Variants in TTC28 observed in about 807,000 individuals in gnomAD.
TTC28 encodes tetratricopeptide repeat domain 28, also known as tetratricopeptide repeat protein 28.
TTC28 carries 61 observed loss-of-function variants against 198.0 expected under a neutral mutation model. The observed-to-expected ratio is 0.31, with a 90% CI of 0.25 to 0.38. The LOEUF is 0.38. Ranked by LOEUF, TTC28 falls within the 10% of genes least tolerant of loss-of-function variation. The probability of loss-of-function intolerance (pLI) is 1.00; values close to 1 mark genes in which losing one functional copy is unlikely to be tolerated. For missense variants in TTC28, 2,678 were observed against 3,164.0 expected, an observed-to-expected ratio of 0.85 and a Z score of 3.69; for synonymous variants, 1,171 against 1,297.8, an observed-to-expected ratio of 0.90 and a Z score of 2.10.
intron 2 of TTC28, among the ~76,000 whole-genome samples, chr22:28,307,330 C>T (rs2145811597): frequency 6.6e-6 from 1 of 152,068 alleles, no homozygotes; most frequent in Non-Finnish European, 1.5e-5. Context: ...CAGAAAAGAC[C>T]AGAGAATTAG....
At chr22:28,552,792 CG>C (rs1169582713) in intron 2 of TTC28, among the ~76,000 whole-genome samples, 1 of 147,802 alleles carries the variant, frequency 6.8e-6, no homozygotes, top group East Asian at 2.0e-4. Flanking sequence ...CCTCTCCCCA[CG>C]GTCTCCCTCT....
At chr22:28,044,092 G>A (rs540233706) in intron 12 of TTC28, among the ~76,000 whole-genome samples, 1 of 152,276 alleles carries the variant, frequency 6.6e-6, no homozygotes, top group South Asian at 2.1e-4. Flanking sequence ...ACACTGCCAG[G>A]AGCTAAGAAC....
chr22:28,602,735 G>T (rs976305957), intron 2 of TTC28, among the ~76,000 whole-genome samples: 10 of 152,076 alleles, frequency 6.6e-5, no homozygotes, highest in African/African-American at 2.2e-4. Context: ...ATGAAGTATA[G>T]TATATTTTAA....
intron 2 of TTC28, among the ~76,000 whole-genome samples, chr22:28,599,068 T>C (rs1382431199): frequency 2.0e-5 from 3 of 152,216 alleles, no homozygotes; most frequent in African/African-American, 7.2e-5. Flanking sequence ...TATAAAACTC[T>C]GGGATTTACA....
Position 28,107,355 on chromosome 22 carries a change from C to G in TTC28, c.2490G>C (p.Pro830=), listed in dbSNP as rs746369369. Residue 830 remains proline (P), a synonymous_variant, in exon 7 of 23, where the codon CCG becomes CCC. Transcript: ENST00000397906. ...TGCCATAGACCTGGGCTTCCAGACT[C>G]GGATCCTTCAGCTTTTGCCCTAGAT... ...QLDLGQKLKD[P]SLEAQVYGNM... is the part of the protein sequence containing the mutation. 6.4e-7 allele frequency: 1 copy of G among 1,551,848 alleles called. No individual in the cohort carries two copies. Among genetic ancestry groups the G allele is most frequent in the African/African-American group, 1.4e-5 (1 of 73,052 alleles).
intron 2 of TTC28, among the ~76,000 whole-genome samples, chr22:28,464,480 C>G (rs2047992214): frequency 6.6e-6 from 1 of 152,096 alleles, no homozygotes; most frequent in Admixed American, 6.5e-5. Context: ...CTTCATTTTC[C>G]TGATTACCTG....
intron 6 of TTC28, among the ~76,000 whole-genome samples, chr22:28,140,379 G>A (rs1403067905): frequency 3.3e-5 from 5 of 152,174 alleles, no homozygotes; most frequent in African/African-American, 1.2e-4. Flanking sequence ...GGTCCCAGTG[G>A]ACTTTTTCTT....
intron 5 of TTC28, among the ~76,000 whole-genome samples, chr22:28,234,604 C>G (rs940818381): frequency 1.3e-5 from 2 of 151,978 alleles, no homozygotes; most frequent in Admixed American, 6.6e-5. Context: ...AACTCCTGAC[C>G]TCAAGTGATC....
intron 2 of TTC28, among the ~76,000 whole-genome samples, chr22:28,325,372 CTTT>C (rs36118715): frequency 0.049 from 7,440 of 152,008 alleles, 250 homozygotes; most frequent in African/African-American, 0.091. Context: ...CTCTTTTCTT[CTTT>C]ATTAGTCTTG....
At chr22:28,428,607 ATTATT>A (rs202173981) in intron 2 of TTC28, among the ~76,000 whole-genome samples, 38,716 of 141,992 alleles carry the variant, frequency 0.27, 5,844 homozygotes, top group African/African-American at 0.4. Flanking sequence ...TTCATGAATT[ATTATT>A]TTATTTTATT....
At chr22:28,565,017 A>G (rs949586165) in intron 2 of TTC28, among the ~76,000 whole-genome samples, 1 of 151,760 alleles carries the variant, frequency 6.6e-6, no homozygotes, top group Non-Finnish European at 1.5e-5. Flanking sequence ...AAGTTGACCA[A>G]TAGCCATCAT....
At chr22:28,167,594 G>A (rs1922150427) in intron 5 of TTC28, among the ~76,000 whole-genome samples, 1 of 152,168 alleles carries the variant, frequency 6.6e-6, no homozygotes, top group African/African-American at 2.4e-5. Context: ...AATAGATGCA[G>A]AAAAGGCCTT....
intron 2 of TTC28, among the ~76,000 whole-genome samples, chr22:28,577,731 CT>C (rs2050173326): frequency 1.3e-5 from 2 of 152,094 alleles, no homozygotes; most frequent in African/African-American, 2.4e-5. Flanking sequence ...TCCTTTGTCT[CT>C]TTTTATAGTT....
chr22:28,491,532 A>G (rs530020209), intron 2 of TTC28, among the ~76,000 whole-genome samples: 15 of 152,168 alleles, frequency 9.9e-5, no homozygotes, highest in African/African-American at 2.9e-4. Context: ...CTGGCCATCA[A>G]AGAAATGCAA....
chr22:28,032,987 A>G (rs138445480), intron 12 of TTC28, among the ~76,000 whole-genome samples: 1,713 of 152,338 alleles, frequency 0.011, 16 homozygotes, highest in African/African-American at 0.018. Flanking sequence ...CCCTTCACAG[A>G]GACCCTGGTA....
rs998590662 is a variant in TTC28, at chr22:28,005,730, A to G, written c.4219-4177T>C. On this transcript the variant is annotated intron_variant, in intron 14 of 22. Coordinates refer to ENST00000397906, the MANE Select transcript of TTC28 (RefSeq NM_001145418.2). The surrounding 1 kb of genome is among the most constrained non-coding windows in gnomAD (Gnocchi z 4.9). ...TCTGCAGGTCCCTGGACTCCCTGGC[A>G]CCTATCACCGCTGGAAGCTGATGGC... Among the ~76,000 whole-genome samples, 1 of 151,980 alleles carries G rather than the reference A, an allele frequency of 6.6e-6. No homozygotes were observed. Among genetic ancestry groups the G allele is most frequent in the African/African-American group, 2.4e-5 (1 of 41,360 alleles).
chr22:28,673,083 A>G (rs976804281), intron 1 of TTC28, among the ~76,000 whole-genome samples: 1 of 152,200 alleles, frequency 6.6e-6, no homozygotes, highest in African/African-American at 2.4e-5. Context: ...GGAGTTAAAA[A>G]AAGAAGTTGG....
intron 3 of TTC28, among the ~76,000 whole-genome samples, chr22:28,305,226 C>T (rs1383809819): frequency 6.6e-6 from 1 of 151,954 alleles, no homozygotes; most frequent in Non-Finnish European, 1.5e-5. Context: ...ATCCTGACCT[C>T]GTGATCTGCC....
intron 2 of TTC28, among the ~76,000 whole-genome samples, chr22:28,569,435 T>C (rs2050028014): frequency 2.0e-5 from 3 of 151,958 alleles, no homozygotes; most frequent in Non-Finnish European, 4.4e-5. Flanking sequence ...TAGACAAAGA[T>C]GACAATAACA....
Sources: gnomAD v4.1 joint callset for allele counts (sites outside exome capture counted in the v4.1 genomes callset) on GRCh38, gnomAD v4.1.1 for gene constraint, Gnocchi (gnomAD v3.1) non-coding constraint, MANE v1.5 for transcripts, NCBI Gene and HGNC (gene_info 2026-07-23, HGNC 2026-07-21) for gene names.